CACNA2D3: variants seen among roughly 807,000 people sequenced by gnomAD.
CACNA2D3 encodes calcium voltage-gated channel auxiliary subunit alpha2delta 3.
In CACNA2D3, 60 loss-of-function variants were observed where a neutral mutation model predicts 160.6. The observed-to-expected ratio is 0.37, with a 90% CI of 0.30 to 0.46. The LOEUF is 0.46. Ranked by LOEUF, CACNA2D3 falls within the 20% of genes least tolerant of loss-of-function variation. The pLI, the probability that CACNA2D3 is intolerant of heterozygous loss-of-function variation, is 1.00. For synonymous variants in CACNA2D3, 558 were observed against 492.9 expected (o/e 1.13, Z -1.75); for missense variants, 1,205 against 1,365.0 (o/e 0.88, Z 1.85).
intron 13 of CACNA2D3, among the ~76,000 whole-genome samples, chr3:54,783,800 C>G (rs1702578935): frequency 6.6e-6 from 1 of 152,082 alleles, no homozygotes; most frequent in Non-Finnish European, 1.5e-5. Context: ...CAGCTCATCA[C>G]ACTTGTAAAA....
At chr3:54,842,407 G>A (rs1698838153) in intron 16 of CACNA2D3, among the ~76,000 whole-genome samples, 1 of 152,108 alleles carries the variant, frequency 6.6e-6, no homozygotes, top group South Asian at 2.1e-4. Context: ...TTTGAGTTAA[G>A]TGGCAAATGT....
chr3:55,036,617 G>A (rs1703821601), intron 35 of CACNA2D3, among the ~76,000 whole-genome samples: 1 of 151,684 alleles, frequency 6.6e-6, no homozygotes, highest in South Asian at 2.1e-4. Context: ...ACAGGCGTGT[G>A]CCACCACGCC....
intron 35 of CACNA2D3, among the ~76,000 whole-genome samples, chr3:55,032,898 G>A (rs1180013044): frequency 7.2e-6 from 1 of 139,396 alleles, no homozygotes; most frequent in African/African-American, 2.6e-5. Context: ...TGTTGATTGA[G>A]ACGAGGTTTC....
At chr3:54,465,332 A>C (rs1370967586) in intron 4 of CACNA2D3, among the ~76,000 whole-genome samples, 2 of 152,198 alleles carry the variant, frequency 1.3e-5, no homozygotes, top group African/African-American at 2.4e-5. Flanking sequence ...TTTGAGGGAC[A>C]GAGAGCTAGC....
chr3:54,605,229 AT>A (rs1172350805), intron 9 of CACNA2D3, among the ~76,000 whole-genome samples: 1 of 152,166 alleles, frequency 6.6e-6, no homozygotes, highest in Non-Finnish European at 1.5e-5. Flanking sequence ...AAGGCAGCTA[AT>A]TACATCTGCA....
intron 3 of CACNA2D3, among the ~76,000 whole-genome samples, chr3:54,325,843 C>G (rs1704110906): frequency 6.6e-6 from 1 of 152,166 alleles, no homozygotes; most frequent in Admixed American, 6.5e-5. Flanking sequence ...CCCTGAAACT[C>G]ACACCTGTAA....
intron 31 of CACNA2D3, among the ~76,000 whole-genome samples, chr3:54,997,858 A>G (rs541409940): frequency 1.5e-4 from 23 of 152,262 alleles, no homozygotes; most frequent in Admixed American, 7.2e-4. Context: ...TTTACATCCA[A>G]TTTTCCAGAT....
At chr3:54,936,719 CCATCCTTG>C (rs1398328285) in intron 27 of CACNA2D3, among the ~76,000 whole-genome samples, 1 of 152,174 alleles carries the variant, frequency 6.6e-6, no homozygotes, top group African/African-American at 2.4e-5. Context: ...GCCCTCTTTC[CCATCCTTG>C]CATAATTAGA....
intron 4 of CACNA2D3, among the ~76,000 whole-genome samples, chr3:54,463,552 C>A (rs1227466864): frequency 2.0e-5 from 3 of 152,274 alleles, no homozygotes; most frequent in Non-Finnish European, 2.9e-5. Context: ...ACCCTTTCTT[C>A]CAGTTGATCG....
intron 9 of CACNA2D3, among the ~76,000 whole-genome samples, chr3:54,622,577 T>G: frequency 1.6e-5 from 1 of 63,602 alleles, no homozygotes; most frequent in East Asian, 3.1e-4. Flanking sequence ...ACCTGGCCAG[T>G]TTTTGGTTTT....
At chr3:54,796,073 C>T (rs2106659024) in intron 13 of CACNA2D3, among the ~76,000 whole-genome samples, 1 of 152,296 alleles carries the variant, frequency 6.6e-6, no homozygotes, top group African/African-American at 2.4e-5. Flanking sequence ...GTATGGTAGT[C>T]AGTGTGTCAG....
At chr3:54,342,328 A>T (rs941961834) in intron 3 of CACNA2D3, among the ~76,000 whole-genome samples, 10 of 152,146 alleles carry the variant, frequency 6.6e-5, no homozygotes, top group African/African-American at 2.4e-4. Context: ...AGAAACTCCT[A>T]CTGTTGAGTT....
chr3:54,250,223 G>A (rs1446643203), intron 2 of CACNA2D3, among the ~76,000 whole-genome samples: 1 of 152,094 alleles, frequency 6.6e-6, no homozygotes, highest in Non-Finnish European at 1.5e-5. Context: ...GTTGATAAGT[G>A]ACAAACACAG....
At chr3:54,785,338 G>A (rs1408105485) in intron 13 of CACNA2D3, among the ~76,000 whole-genome samples, 2 of 152,098 alleles carry the variant, frequency 1.3e-5, no homozygotes, top group African/African-American at 4.8e-5. Context: ...GGGAAGATTG[G>A]CCTTCATTAG....
At chr3:54,318,132 C>A (rs1376552135) in intron 2 of CACNA2D3, among the ~76,000 whole-genome samples, 1 of 125,240 alleles carries the variant, frequency 8.0e-6, no homozygotes, top group East Asian at 2.9e-4. Context: ...CCAGAGAAAT[C>A]TTTTGTGTCT....
chr3:54,803,647 T>C (rs6445706), intron 13 of CACNA2D3, among the ~76,000 whole-genome samples: 1 of 152,002 alleles, frequency 6.6e-6, no homozygotes, highest in Non-Finnish European at 1.5e-5. Flanking sequence ...TATGATCCAG[T>C]AGAACTTCCC....
At chr3:54,539,413 C>T (rs9825924) in intron 5 of CACNA2D3, among the ~76,000 whole-genome samples, 18,638 of 152,184 alleles carry the variant, frequency 0.12, 1,251 homozygotes, top group African/African-American at 0.18. Flanking sequence ...GTTAATGGTG[C>T]CTTGCCCAGG....
chr3:54,848,410 A>G (rs1018659669), intron 17 of CACNA2D3, among the ~76,000 whole-genome samples: 8 of 152,240 alleles, frequency 5.3e-5, no homozygotes. Context: ...TGGCCATGCC[A>G]TACATGGGGT....
At chr3:54,818,982 G>C (rs1031314052) in intron 14 of CACNA2D3, among the ~76,000 whole-genome samples, 7 of 152,136 alleles carry the variant, frequency 4.6e-5, no homozygotes, top group African/African-American at 1.7e-4. Context: ...GTGCACCATA[G>C]ATTGAAGGCA....
Sources: gnomAD v4.1 joint callset for allele counts (sites outside exome capture counted in the v4.1 genomes callset) on GRCh38, gnomAD v4.1.1 for gene constraint, MANE v1.5 for transcripts, NCBI Gene and HGNC (gene_info 2026-07-23, HGNC 2026-07-21) for gene names.